Variants in STK24 observed in about 807,000 individuals in gnomAD.
The protein encoded by STK24 is serine/threonine kinase 24.
A neutral mutation model predicts 55.6 loss-of-function variants in STK24; 21 were observed. The ratio of observed to expected loss-of-function variants is 0.38; its 90% CI spans 0.27 to 0.54. The LOEUF (loss-of-function observed/expected upper bound fraction) is 0.54. STK24 is among the 20% of genes least tolerant of loss of function. The probability of loss-of-function intolerance (pLI) is 0.79; values close to 1 mark genes in which losing one functional copy is unlikely to be tolerated. For synonymous variants in STK24, 200 were observed against 215.2 expected (o/e 0.93, Z 0.62); for missense variants, 383 against 538.4 (o/e 0.71, Z 2.86).
intron 1 of STK24, among the ~76,000 whole-genome samples, chr13:98,569,407 C>G (rs9584866): frequency 0.2 from 26,168 of 129,346 alleles, 2,485 homozygotes; most frequent in African/African-American, 0.25. Flanking sequence ...AAAATGACAG[C>G]AGAGACAAAA....
At chr13:98,484,868 C>G (rs555074992) in intron 2 of STK24, among the ~76,000 whole-genome samples, 1 of 152,278 alleles carries the variant, frequency 6.6e-6, no homozygotes, top group African/African-American at 2.4e-5. Flanking sequence ...AATAACACAG[C>G]CTTCCCGCTT....
intron 8 of STK24, among the ~76,000 whole-genome samples, chr13:98,461,001 T>C (rs1893679844): frequency 6.7e-6 from 1 of 150,032 alleles, no homozygotes; most frequent in South Asian, 2.1e-4. Flanking sequence ...TGAGCTCTGA[T>C]GGCACCACTG....
rs1893274936 is a variant in STK24 at position 98,453,115 on chromosome 13, AAGG to A, written c.*55_*57del. 15 of 1,599,174 alleles carry A rather than the reference AAGG, an allele frequency of 9.4e-6. No homozygotes were observed. Among genetic ancestry groups the A allele is most frequent in the Middle Eastern group, 1.8e-4 (1 of 5,674 alleles). On this transcript the variant is annotated 3_prime_UTR_variant, in exon 11 of 11. Transcript: ENST00000539966. ...CGAAGGCTCTCGTTGACTTTTAAAA[AAGG>A]AGGAGGATGAAGAAGGAAAAAAGGA...
At chr13:98,472,378 A>C (rs1372456121) in intron 5 of STK24, among the ~76,000 whole-genome samples, 1 of 152,210 alleles carries the variant, frequency 6.6e-6, no homozygotes, top group African/African-American at 2.4e-5. Flanking sequence ...CCTTCAAGGA[A>C]GGTGGGTGCG....
chr13:98,463,002 C>A (rs1374164146), intron 7 of STK24, among the ~76,000 whole-genome samples: 3 of 152,224 alleles, frequency 2.0e-5, no homozygotes, highest in Non-Finnish European at 4.4e-5. Flanking sequence ...TGGCTTTAAA[C>A]TGGAATCACC....
chr13:98,531,905 T>C (rs931883943), intron 1 of STK24, among the ~76,000 whole-genome samples: 2 of 152,188 alleles, frequency 1.3e-5, no homozygotes, highest in African/African-American at 2.4e-5. Flanking sequence ...ATTTGCTCTG[T>C]GATCCTGAGG....
chr13:98,555,509 G>A (rs1897264939), intron 1 of STK24, among the ~76,000 whole-genome samples: 2 of 151,256 alleles, frequency 1.3e-5, no homozygotes, highest in Admixed American at 1.3e-4. Context: ...AACCCGGGAG[G>A]CGGAGCTTGC....
At chr13:98,489,839 G>T (rs923974559) in intron 2 of STK24, among the ~76,000 whole-genome samples, 1 of 152,220 alleles carries the variant, frequency 6.6e-6, no homozygotes, top group Non-Finnish European at 1.5e-5. Context: ...GGAAGTCAGC[G>T]AAACTTGTGC....
chr13:98,556,010 TC>T (rs1332448027), intron 1 of STK24, among the ~76,000 whole-genome samples: 1 of 152,150 alleles, frequency 6.6e-6, no homozygotes, highest in African/African-American at 2.4e-5. Context: ...GTAAATGTCT[TC>T]CTTTCTCTAG....
In STK24 at chr13:98,463,840, G is replaced by T; in HGVS notation, c.784-4C>A. The T allele has an allele frequency of 1.2e-6, 2 of 1,610,724 alleles. No individual in the cohort carries two copies. The highest frequency in any genetic ancestry group is 1.7e-6 in the Non-Finnish European group (2 of 1,178,272). On this transcript the variant is annotated splice_polypyrimidine_tract_variant and splice_region_variant and intron_variant, in intron 6 of 10. Coordinates refer to ENST00000539966, the MANE Select transcript of STK24 (RefSeq NM_001032296.4). ...ATAACTCCTTAGCAGTGGGTCTCTG[G>T]AAAAACACACCCAACAATTAAAGTA...
rs765604738 is a variant in STK24, at chr13:98,461,785, C to T, written c.1042G>A (p.Asp348Asn). 1 of 1,614,076 alleles carries T rather than the reference C, an allele frequency of 6.2e-7. No individual in the cohort carries two copies. The highest frequency in any genetic ancestry group is 2.2e-5 in the East Asian group (1 of 44,888). ...GTGAGCAGACGTACCTTATTTCTGT[C>T]CAAGTCCGATGGCTGAAGAGCTCCA... ...ENGALQPSDLDRNKMKDIPKR... is the reference protein window; with the variant it reads ...ENGALQPSDLNRNKMKDIPKR... Residue 348 changes from aspartate to asparagine, a missense_variant, in exon 8 of 11, where the codon GAC becomes AAC. Transcript: ENST00000539966.
chr13:98,529,478 C>T (rs372773798), intron 1 of STK24, among the ~76,000 whole-genome samples: 19 of 152,318 alleles, frequency 1.2e-4, no homozygotes, highest in African/African-American at 4.6e-4. Flanking sequence ...GCCCTTCACA[C>T]TGAGGTCACA....
intron 2 of STK24, among the ~76,000 whole-genome samples, chr13:98,503,024 G>GTTTTTTTTTTTT (rs398038978): frequency 0.018 from 1,975 of 106,860 alleles, 291 homozygotes; most frequent in African/African-American, 0.04. Flanking sequence ...CTTTCCATGT[G>GTTTTTTTTTTTT]TTTTTTTTTT....
chr13:98,569,248 G>C (rs1173756365), intron 1 of STK24, among the ~76,000 whole-genome samples: 2 of 152,092 alleles, frequency 1.3e-5, no homozygotes, highest in East Asian at 1.9e-4. Flanking sequence ...TGGAGGAAAT[G>C]AATGTCCACC....
chr13:98,559,139 A>G (rs1265829881), intron 1 of STK24, among the ~76,000 whole-genome samples: 1 of 151,404 alleles, frequency 6.6e-6, no homozygotes, highest in African/African-American at 2.4e-5. Context: ...GCACCATTGC[A>G]CTCCAGCCTG....
At chr13:98,564,200 A>G (rs1673829903) in intron 1 of STK24, among the ~76,000 whole-genome samples, 1 of 152,252 alleles carries the variant, frequency 6.6e-6, no homozygotes, top group South Asian at 2.1e-4. Flanking sequence ...ACATTTAGTT[A>G]AGTGTTAAAT....
intron 2 of STK24, among the ~76,000 whole-genome samples, chr13:98,507,238 A>G (rs1477453071): frequency 6.6e-6 from 1 of 152,212 alleles, no homozygotes; most frequent in African/African-American, 2.4e-5. Flanking sequence ...AATGGGGGAG[A>G]AGTACTTAAG....
chr13:98,548,840 C>T (rs1392118894), intron 1 of STK24, among the ~76,000 whole-genome samples: 3 of 121,642 alleles, frequency 2.5e-5, no homozygotes, highest in East Asian at 2.4e-4. Flanking sequence ...CCAGCCCAGG[C>T]GACAGAGTGA....
chr13:98,488,160 G>GACACACGC (rs1778503022), intron 2 of STK24, among the ~76,000 whole-genome samples: 1 of 130,350 alleles, frequency 7.7e-6, no homozygotes, highest in Non-Finnish European at 1.6e-5. Flanking sequence ...AAGAGATGAA[G>GACACACGC]ACACACACAC....
Sources: gnomAD v4.1 joint callset for allele counts (sites outside exome capture counted in the v4.1 genomes callset) on GRCh38, gnomAD v4.1.1 for gene constraint, MANE v1.5 for transcripts, NCBI Gene and HGNC (gene_info 2026-07-23, HGNC 2026-07-21) for gene names.